The following FRMD3 variants were observed in gnomAD, a reference collection of about 807,000 sequenced individuals.
FRMD3 encodes FERM domain-containing protein 3.
In FRMD3, 33 loss-of-function variants were observed where a neutral mutation model predicts 70.2. The observed-to-expected ratio is 0.47, with a 90% CI of 0.36 to 0.63. The LOEUF is 0.63. FRMD3 is among the 20% of genes least tolerant of loss of function. The pLI, the probability that FRMD3 is intolerant of heterozygous loss-of-function variation, is 0.00. For synonymous variants in FRMD3, 279 were observed against 255.9 expected, an observed-to-expected ratio of 1.09 and a Z score of -0.86; for missense variants, 632 against 711.4, an observed-to-expected ratio of 0.89 and a Z score of 1.27.
At chr9:83,271,189 CAGACTTGACA>C (rs1475225159) in intron 13 of FRMD3, among the ~76,000 whole-genome samples, 1 of 152,162 alleles carries the variant, frequency 6.6e-6, no homozygotes, top group Non-Finnish European at 1.5e-5. Context: ...TAGAAACCAA[CAGACTTGACA>C]AGTATAGTGG....
At chr9:83,434,819 C>CTTTTTTTTT (rs757810185) in intron 1 of FRMD3, among the ~76,000 whole-genome samples, 4 of 74,878 alleles carry the variant, frequency 5.3e-5, no homozygotes, top group African/African-American at 5.8e-5. Flanking sequence ...CACCCCTCTG[C>CTTTTTTTTT]TTTTTTTTTT....
At chr9:83,377,084 A>T (rs1825173190) in intron 2 of FRMD3, among the ~76,000 whole-genome samples, 1 of 152,224 alleles carries the variant, frequency 6.6e-6, no homozygotes, top group Non-Finnish European at 1.5e-5. Flanking sequence ...TGAAACTGTT[A>T]GGTATTCTCC....
chr9:83,526,699 T>C (rs1457106790), intron 1 of FRMD3, among the ~76,000 whole-genome samples: 6 of 152,230 alleles, frequency 3.9e-5, no homozygotes, highest in Non-Finnish European at 7.3e-5. Flanking sequence ...AGCTCCTTGA[T>C]GACGGCTGAT....
intron 3 of FRMD3, among the ~76,000 whole-genome samples, chr9:83,363,946 C>T (rs1824705402): frequency 6.6e-6 from 1 of 152,152 alleles, no homozygotes; most frequent in Non-Finnish European, 1.5e-5. Context: ...AAGTGTTATC[C>T]TCATCCTCAT....
chr9:83,527,346 G>A (rs1002740437), intron 1 of FRMD3, among the ~76,000 whole-genome samples: 6 of 152,164 alleles, frequency 3.9e-5, no homozygotes, highest in African/African-American at 1.4e-4. Context: ...TCCATACCCA[G>A]CAACAGTGTC....
chr9:83,540,107 G>A (rs1829981945), upstream of FRMD3, among the ~76,000 whole-genome samples: 1 of 152,136 alleles, frequency 6.6e-6, no homozygotes, highest in Non-Finnish European at 1.5e-5. Context: ...GTATGACACC[G>A]GGTCAGTGGA....
chr9:83,461,665 C>CTTTTTTTTTTT (rs200147815), intron 1 of FRMD3, among the ~76,000 whole-genome samples: 1 of 70,696 alleles, frequency 1.4e-5, no homozygotes, highest in Non-Finnish European at 2.6e-5. Flanking sequence ...AGGAATTTCC[C>CTTTTTTTTTTT]TTTTTTTTTT....
At chr9:83,358,139 T>C (rs1824463425) in intron 3 of FRMD3, among the ~76,000 whole-genome samples, 3 of 152,232 alleles carry the variant, frequency 2.0e-5, no homozygotes, top group Admixed American at 6.5e-5. Flanking sequence ...TCCAGTTTCA[T>C]TCTTCTATAT....
chr9:83,296,316 C>T (rs968714436), intron 12 of FRMD3, among the ~76,000 whole-genome samples: 43 of 152,070 alleles, frequency 2.8e-4, no homozygotes, highest in African/African-American at 1.0e-3. Flanking sequence ...GATTGAGGTC[C>T]CCGGGGCAGC....
At chr9:83,509,886 G>C (rs765815523) in intron 1 of FRMD3, among the ~76,000 whole-genome samples, 7 of 152,014 alleles carry the variant, frequency 4.6e-5, no homozygotes, top group Non-Finnish European at 8.8e-5. Context: ...TGGTGGGCTT[G>C]GTGTACAGTG....
At chr9:83,318,228 CTG>C (rs1054086234) in intron 6 of FRMD3, among the ~76,000 whole-genome samples, 55 of 152,326 alleles carry the variant, frequency 3.6e-4, no homozygotes, top group Non-Finnish European at 4.7e-4. Flanking sequence ...ATAGTGAACA[CTG>C]TAACCCTCAC....
At chr9:83,243,872 G>A (rs2118428231), downstream of FRMD3, among the ~76,000 whole-genome samples, 1 of 152,200 alleles carries the variant, frequency 6.6e-6, no homozygotes, top group South Asian at 2.1e-4. Flanking sequence ...CCAAACCTAA[G>A]CAGAAGACCT....
chr9:83,416,812 ACTCT>A (rs1247435623), intron 1 of FRMD3, among the ~76,000 whole-genome samples: 1 of 79,346 alleles, frequency 1.3e-5, no homozygotes, highest in African/African-American at 5.1e-5. Flanking sequence ...TTACTCTTTC[ACTCT>A]CTCTGAAAGC....
chr9:83,501,147 T>C (rs1048880845), intron 1 of FRMD3, among the ~76,000 whole-genome samples: 3 of 152,182 alleles, frequency 2.0e-5, no homozygotes, highest in African/African-American at 7.2e-5. Context: ...TTGAAAATCC[T>C]ACTTAAAAAC....
At chr9:83,319,267 T>C (rs1196742381) in intron 6 of FRMD3, among the ~76,000 whole-genome samples, 4 of 152,228 alleles carry the variant, frequency 2.6e-5, no homozygotes, top group Non-Finnish European at 5.9e-5. Context: ...CTTTGGTGAA[T>C]GTCCAGAAGA....
At chr9:83,300,330 C>T (rs759888406) in intron 10 of FRMD3, among the ~76,000 whole-genome samples, 13 of 152,180 alleles carry the variant, frequency 8.5e-5, no homozygotes, top group Non-Finnish European at 1.9e-4. Context: ...TTAACCAGGG[C>T]ACGGTGCAAG....
chr9:83,245,083 G>C lies in FRMD3; in HGVS notation c.*2835C>G, dbSNP rs988677242. 8 of 985,294 alleles carry C rather than the reference G, an allele frequency of 8.1e-6. No homozygotes were observed. Among genetic ancestry groups the C allele is most frequent in the Non-Finnish European group, 9.6e-6 (8 of 829,876 alleles). 61.0% of individuals were successfully genotyped at this position (985,294 alleles called of 1,614,324 possible). The stretch of plus-strand genomic sequence containing the variant: ...GTTTTACCCACCATAGTATCTGAGA[G>C]GGAGAAGAACCAATAATACATCTCA... On this transcript the variant is annotated 3_prime_UTR_variant, in exon 14 of 14. Transcript: ENST00000304195.
the FRMD3 span, among the ~76,000 whole-genome samples, chr9:83,575,486 G>A: frequency 2.6e-5 from 4 of 152,250 alleles, no homozygotes; most frequent in East Asian, 1.9e-4. Context: ...TGGTCAGATG[G>A]ATCAATCAAT....
At chr9:83,316,566 A>G (rs1473678586) in intron 6 of FRMD3, among the ~76,000 whole-genome samples, 1 of 152,128 alleles carries the variant, frequency 6.6e-6, no homozygotes, top group Non-Finnish European at 1.5e-5. Flanking sequence ...GCTTTTCAAG[A>G]TTTCCTTATT....
Sources: allele counts gnomAD v4.1 joint callset (sites outside exome capture counted in the v4.1 genomes callset), GRCh38; gene constraint gnomAD v4.1.1; transcripts MANE v1.5; gene names NCBI Gene and HGNC (gene_info 2026-07-23, HGNC 2026-07-21).